NIM1K: variants seen among roughly 807,000 people sequenced by gnomAD.
NIM1K encodes NIM1 serine/threonine protein kinase, also known as serine/threonine-protein kinase NIM1.
Under a neutral mutation model 37.1 loss-of-function variants are expected in NIM1K, and 35 were observed. The ratio of observed to expected loss-of-function variants is 0.94; its 90% CI spans 0.72 to 1.25. The LOEUF is 1.25. Among genes scored for constraint, NIM1K ranks in the 50% most tolerant of loss-of-function variants. The pLI, the probability that NIM1K is intolerant of heterozygous loss-of-function variation, is 0.00. For missense variants in NIM1K, 564 were observed against 548.0 expected, an observed-to-expected ratio of 1.03 and a Z score of -0.29; for synonymous variants, 234 against 206.6, an observed-to-expected ratio of 1.13 and a Z score of -1.14.
chr5:43,263,053 G>A (rs1336241691), intron 2 of NIM1K, among the ~76,000 whole-genome samples: 2 of 152,148 alleles, frequency 1.3e-5, no homozygotes, highest in South Asian at 2.1e-4. Context: ...GTTCATCAGG[G>A]ATATTGGTGA....
chr5:43,268,755 G>A (rs145582127), intron 2 of NIM1K, among the ~76,000 whole-genome samples: 318 of 151,858 alleles, frequency 2.1e-3, no homozygotes, highest in African/African-American at 7.4e-3. Flanking sequence ...TTACAAAGGT[G>A]ACTGAGTTTT....
At position 43,204,713 on chromosome 5, in the gene NIM1K, A is replaced by T. The variant is rs546665278; in HGVS notation, c.-695+12302A>T. Among the ~76,000 whole-genome samples, 380 of 149,802 alleles carry T rather than the reference A, an allele frequency of 2.5e-3. 5 individuals are homozygous for T. The highest frequency in any genetic ancestry group is 9.1e-3 in the African/African-American group (365 of 39,992). ...GAAAGAGGCTCTGTCTCAAAAAAAA[A>T]AAAAAAGTCACAGCTGGGTGTGGTG... On this transcript the variant is annotated intron_variant, in intron 1 of 3. Transcript: ENST00000326035.
At position 43,245,814 on chromosome 5, in the gene NIM1K, C is replaced by A; in HGVS notation, c.39C>A (p.Asn13Lys). Reference sequence around the variant, plus strand: ...ATATGAATGGAGGTGGCCTGGTGAACCCCCACTATGCCCGGTGGGATCGGC... The same window carrying A: ...ATATGAATGGAGGTGGCCTGGTGAAACCCCACTATGCCCGGTGGGATCGGC... ...AVYMNGGGLV[N>K]PHYARWDRRD... Residue 13 changes from asparagine (N) to lysine (K), a missense_variant, in exon 2 of 4, where the codon AAC becomes AAA. By Grantham distance (94) the Asn-to-Lys change is moderately conservative. Coordinates refer to ENST00000326035, the MANE Select transcript of NIM1K (RefSeq NM_153361.4). 1.2e-6 allele frequency: 2 copies of A among 1,611,596 alleles called. No individual in the cohort carries two copies. The highest frequency in any genetic ancestry group is 1.7e-6 in the Non-Finnish European group (2 of 1,178,502).
At chr5:43,260,278 T>C (rs1753007554) in intron 2 of NIM1K, among the ~76,000 whole-genome samples, 1 of 152,204 alleles carries the variant, frequency 6.6e-6, no homozygotes, top group Non-Finnish European at 1.5e-5. Context: ...ACAGAAGTGA[T>C]GAAAGTGGGC....
intron 2 of NIM1K, among the ~76,000 whole-genome samples, chr5:43,253,663 GTTTT>G (rs756961168): frequency 6.9e-6 from 1 of 143,898 alleles, no homozygotes; most frequent in Admixed American, 7.0e-5. Context: ...CTACTGAAGA[GTTTT>G]TTTTTTTTTT....
intron 2 of NIM1K, among the ~76,000 whole-genome samples, chr5:43,264,262 C>T (rs933195149): frequency 6.6e-6 from 1 of 152,170 alleles, no homozygotes; most frequent in African/African-American, 2.4e-5. Context: ...GTCTAAGTCT[C>T]TTTGTAGGTC....
chr5:43,258,807 A>G (rs997199766), intron 2 of NIM1K, among the ~76,000 whole-genome samples: 25 of 152,000 alleles, frequency 1.6e-4, no homozygotes, highest in Admixed American at 1.2e-3. Context: ...TTGGGGTACA[A>G]GTGGTTTTTG....
At chr5:43,213,352 G>T (rs1185699767) in intron 1 of NIM1K, among the ~76,000 whole-genome samples, 2 of 116,674 alleles carry the variant, frequency 1.7e-5, no homozygotes, top group African/African-American at 4.0e-5. Context: ...TTTCTAGTTG[G>T]AGTCTCATTC....
At chr5:43,215,672 G>C (rs1286494199) in intron 1 of NIM1K, among the ~76,000 whole-genome samples, 5 of 152,174 alleles carry the variant, frequency 3.3e-5, no homozygotes, top group Admixed American at 6.5e-5. Flanking sequence ...GACCGCAAGT[G>C]ATCTGCCCAC....
At chr5:43,207,343 A>G in intron 1 of NIM1K, 1 of 774,058 alleles carries the variant, frequency 1.3e-6, no homozygotes, top group Non-Finnish European at 2.4e-6. Flanking sequence ...TCACTATGGT[A>G]GAGCTTGACC....
At chr5:43,234,810 T>C (rs1315188421) in intron 1 of NIM1K, among the ~76,000 whole-genome samples, 5 of 152,078 alleles carry the variant, frequency 3.3e-5, no homozygotes, top group Non-Finnish European at 1.5e-5. Context: ...AATTTTTGTA[T>C]TTTTGGTAGA....
intron 1 of NIM1K, among the ~76,000 whole-genome samples, chr5:43,213,237 C>T (rs549097513): frequency 1.1e-4 from 10 of 93,106 alleles, no homozygotes; most frequent in Non-Finnish European, 1.4e-4. Flanking sequence ...TTCTTTTCTT[C>T]CTTTCTTTCT....
At position 43,201,962 on chromosome 5, in the gene NIM1K, A is replaced by G. The variant is rs532778349; in HGVS notation, c.-695+9551A>G. Reference sequence around the variant, plus strand: ...GACAGAGCGAGACTCCCTCTGAGCGAGACTCCCTCTCAAAAAAAAAAAAAA... The same window carrying G: ...GACAGAGCGAGACTCCCTCTGAGCGGGACTCCCTCTCAAAAAAAAAAAAAA... On this transcript the variant is annotated intron_variant, in intron 1 of 3. Transcript: ENST00000326035. Among the ~76,000 whole-genome samples, 22 of 149,508 alleles carry G rather than the reference A, an allele frequency of 1.5e-4. No individual in the cohort carries two copies. In the South Asian group the frequency reaches 3.2e-3, roughly 22 times the overall value.
chr5:43,215,754 G>A (rs1023919593), intron 1 of NIM1K, among the ~76,000 whole-genome samples: 1 of 152,148 alleles, frequency 6.6e-6, no homozygotes, highest in African/African-American at 2.4e-5. Flanking sequence ...CTTTTAACAA[G>A]CAGTTTACTT....
intron 1 of NIM1K, among the ~76,000 whole-genome samples, chr5:43,233,966 A>G (rs988328135): frequency 2.0e-5 from 3 of 152,212 alleles, no homozygotes; most frequent in Non-Finnish European, 4.4e-5. Flanking sequence ...TGTGTTTTGG[A>G]AATGAATGAT....
chr5:43,194,665 C>T (rs980020112), intron 1 of NIM1K: 1 of 152,124 alleles, frequency 6.6e-6, no homozygotes, highest in African/African-American at 2.4e-5. Context: ...TTTAAAGAAC[C>T]GTAATTCATT....
intron 1 of NIM1K, among the ~76,000 whole-genome samples, chr5:43,206,114 CT>C (rs2112209671): frequency 6.6e-6 from 1 of 152,210 alleles, no homozygotes; most frequent in South Asian, 2.1e-4. Context: ...GCAGGTCAGT[CT>C]CAGAGAGGCT....
intron 2 of NIM1K, among the ~76,000 whole-genome samples, chr5:43,273,059 TC>T (rs1478751754): frequency 6.6e-6 from 1 of 152,158 alleles, no homozygotes; most frequent in Non-Finnish European, 1.5e-5. Flanking sequence ...TGCTGGCCTC[TC>T]CCATCTGTCT....
At position 43,280,748 on chromosome 5, in the gene NIM1K, T is replaced by C. The variant is rs780952797; in HGVS notation, c.*19T>C. 1 of 1,544,898 alleles carries C rather than the reference T, an allele frequency of 6.5e-7. No homozygotes were observed. The stretch of plus-strand genomic sequence containing the variant: ...TTTATAAATTGCACTAGACTGCTTG[T>C]AACTAACCAAGATGATTGTTGCTGC... On this transcript the variant is annotated 3_prime_UTR_variant, in exon 4 of 4. Coordinates refer to ENST00000326035, the MANE Select transcript of NIM1K (RefSeq NM_153361.4).
Sources: gnomAD v4.1 joint callset for allele counts (sites outside exome capture counted in the v4.1 genomes callset) on GRCh38, gnomAD v4.1.1 for gene constraint, MANE v1.5 for transcripts, NCBI Gene and HGNC (gene_info 2026-07-23, HGNC 2026-07-21) for gene names.